Variants in BCKDHB observed in about 807,000 individuals in gnomAD.
BCKDHB encodes the protein 2-oxoisovalerate dehydrogenase subunit beta, mitochondrial.
In BCKDHB, 41 loss-of-function variants were observed where a neutral mutation model predicts 48.5. The ratio of observed to expected loss-of-function variants is 0.85; its 90% CI spans 0.66 to 1.10. The LOEUF (loss-of-function observed/expected upper bound fraction) is 1.10, where lower values mean the gene tolerates loss of function less well. Among genes scored for constraint, BCKDHB ranks in the 50% least tolerant of loss-of-function variants. The pLI is 0.00. For synonymous variants in BCKDHB, 201 were observed against 174.8 expected (o/e 1.15, Z -1.18); for missense variants, 496 against 494.2 (o/e 1.00, Z -0.03).
intron 1 of BCKDHB, among the ~76,000 whole-genome samples, chr6:80,114,584 G>T (rs1254819968): frequency 6.6e-6 from 1 of 152,070 alleles, no homozygotes; most frequent in African/African-American, 2.4e-5. Flanking sequence ...TTGGAAGTAG[G>T]ATTTGATAGG....
At chr6:80,439,499 A>G in the BCKDHB span, among the ~76,000 whole-genome samples, 3 of 152,180 alleles carry the variant, frequency 2.0e-5, no homozygotes, top group Non-Finnish European at 1.5e-5. Flanking sequence ...GTAAGTAAGC[A>G]TTTCTTCTTA....
rs140125092 is a variant in BCKDHB at position 80,141,404 on chromosome 6, G to A, written c.343+12175G>A. On this transcript the variant is annotated intron_variant, in intron 3 of 9. Coordinates refer to ENST00000320393, the MANE Select transcript of BCKDHB (RefSeq NM_183050.4). ...AAAAATCTATTTTTGTGATTCTCTT[G>A]TGAACGAGATTTTCTGAGTGCATTA... is the stretch of plus-strand genomic sequence containing the variant. Among the ~76,000 whole-genome samples the A allele has an allele frequency of 1.7e-3, 261 of 152,180 alleles. 1 individual carries two copies. Among genetic ancestry groups the A allele is most frequent in the African/African-American group, 6.0e-3 (251 of 41,540 alleles).
the BCKDHB span, among the ~76,000 whole-genome samples, chr6:80,458,754 G>C: frequency 1.3e-5 from 2 of 152,118 alleles, no homozygotes; most frequent in Non-Finnish European, 2.9e-5. Flanking sequence ...GAGGGATGGG[G>C]TGACTGAGAC....
the BCKDHB span, among the ~76,000 whole-genome samples, chr6:80,412,449 T>C: frequency 6.6e-6 from 1 of 152,138 alleles, no homozygotes; most frequent in African/African-American, 2.4e-5. Flanking sequence ...ACCCAGGCTA[T>C]AGTTTATATT....
chr6:80,237,663 A>G (rs931151645), intron 8 of BCKDHB, among the ~76,000 whole-genome samples: 13 of 152,210 alleles, frequency 8.5e-5, no homozygotes, highest in Non-Finnish European at 1.8e-4. Context: ...CCATGTTCAC[A>G]TTAACCAGTA....
At chr6:80,423,433 G>A in the BCKDHB span, among the ~76,000 whole-genome samples, 1 of 152,126 alleles carries the variant, frequency 6.6e-6, no homozygotes, top group Non-Finnish European at 1.5e-5. Context: ...TCTCTTGAAG[G>A]CGATATGGGT....
intron 8 of BCKDHB, among the ~76,000 whole-genome samples, chr6:80,250,935 A>G (rs888233515): frequency 3.3e-5 from 5 of 152,192 alleles, no homozygotes; most frequent in Non-Finnish European, 7.3e-5. Context: ...AGCAATTGCT[A>G]TGGTTTAAAT....
chr6:80,193,774 G>A (rs972661819), intron 6 of BCKDHB, among the ~76,000 whole-genome samples: 1 of 150,890 alleles, frequency 6.6e-6, no homozygotes, highest in Non-Finnish European at 1.5e-5. Flanking sequence ...AGCTGATTAT[G>A]ACTTGATATA....
the BCKDHB span, among the ~76,000 whole-genome samples, chr6:80,417,615 A>G: frequency 4.6e-5 from 7 of 152,346 alleles, no homozygotes; most frequent in Admixed American, 4.6e-4. Context: ...TCGGCCAGAT[A>G]TAAAATTCTG....
chr6:80,449,830 C>G, the BCKDHB span, among the ~76,000 whole-genome samples: 1 of 152,106 alleles, frequency 6.6e-6, no homozygotes, highest in African/African-American at 2.4e-5. Flanking sequence ...TTGTTTTTTA[C>G]TAAAAAACAG....
chr6:80,449,198 G>A, the BCKDHB span, among the ~76,000 whole-genome samples: 2 of 152,146 alleles, frequency 1.3e-5, no homozygotes, highest in Middle Eastern at 6.8e-3. Flanking sequence ...TTTTTCCCAT[G>A]CTATGTGCTG....
chr6:80,317,572 T>G (rs768754115), intron 9 of BCKDHB, among the ~76,000 whole-genome samples: 1 of 152,208 alleles, frequency 6.6e-6, no homozygotes, highest in Non-Finnish European at 1.5e-5. Context: ...GGCATGTGAT[T>G]AGGTTGGGCC....
At chr6:80,412,778 T>C in the BCKDHB span, among the ~76,000 whole-genome samples, 1 of 152,188 alleles carries the variant, frequency 6.6e-6, no homozygotes, top group Non-Finnish European at 1.5e-5. Flanking sequence ...TGATCAACAG[T>C]TTTGCTAGAT....
At chr6:80,401,814 AATTAT>A in the BCKDHB span, among the ~76,000 whole-genome samples, 1 of 151,814 alleles carries the variant, frequency 6.6e-6, no homozygotes, top group Non-Finnish European at 1.5e-5. Flanking sequence ...TTCACATATA[AATTAT>A]ATTATACAGT....
At chr6:80,207,637 A>G (rs1336111833) in intron 8 of BCKDHB, among the ~76,000 whole-genome samples, 3 of 151,814 alleles carry the variant, frequency 2.0e-5, no homozygotes, top group South Asian at 2.1e-4. Context: ...TAAAAAAGGC[A>G]TACTTTAAAT....
chr6:80,190,101 T>C (rs1365060074), intron 6 of BCKDHB, among the ~76,000 whole-genome samples: 1 of 152,168 alleles, frequency 6.6e-6, no homozygotes, highest in African/African-American at 2.4e-5. Flanking sequence ...TGGTGGATGA[T>C]AAGTATGTAT....
chr6:80,369,038 A>C, the BCKDHB span, among the ~76,000 whole-genome samples: 1 of 151,646 alleles, frequency 6.6e-6, no homozygotes, highest in African/African-American at 2.4e-5. Context: ...AAAAGAAAAG[A>C]AAAAAAATTC....
chr6:80,295,600 C>T (rs1767189745), intron 9 of BCKDHB, among the ~76,000 whole-genome samples: 1 of 140,352 alleles, frequency 7.1e-6, no homozygotes, highest in Non-Finnish European at 1.5e-5. Flanking sequence ...TAACCAGTTT[C>T]TCCAATTGTG....
chr6:80,131,268 C>CA (rs1299667614), intron 3 of BCKDHB, among the ~76,000 whole-genome samples: 3 of 152,220 alleles, frequency 2.0e-5, no homozygotes, highest in Non-Finnish European at 2.9e-5. Flanking sequence ...ACAGTCACTT[C>CA]AAACTCAGCA....
Sources: gnomAD v4.1 joint callset for allele counts (sites outside exome capture counted in the v4.1 genomes callset) on GRCh38, gnomAD v4.1.1 for gene constraint, MANE v1.5 for transcripts, NCBI Gene and HGNC (gene_info 2026-07-23, HGNC 2026-07-21) for gene names.